Variants in VPS13A observed in about 807,000 individuals in gnomAD.
VPS13A encodes the protein intermembrane lipid transfer protein VPS13A.
VPS13A carries 264 observed loss-of-function variants against 390.9 expected under a neutral mutation model. The ratio of observed to expected loss-of-function variants is 0.68; its 90% CI spans 0.61 to 0.75. The LOEUF (loss-of-function observed/expected upper bound fraction) is 0.75. Ranked by LOEUF, VPS13A falls within the 30% of genes least tolerant of loss-of-function variation. The pLI is 0.00. For missense variants in VPS13A, 3,409 were observed against 3,733.9 expected, an observed-to-expected ratio of 0.91 and a Z score of 2.27; for synonymous variants, 1,231 against 1,227.1, an observed-to-expected ratio of 1.00 and a Z score of -0.07.
chr9:77,385,000 A>T, intron 68 of VPS13A: 1 of 1,063,614 alleles, frequency 9.4e-7, no homozygotes, highest in Non-Finnish European at 1.1e-6. Context: ...GTTTTATTTT[A>T]AATTGCCTTC....
rs1002191647 is a variant in VPS13A, at chr9:77,177,600, C to T, written c.-105C>T. The T allele has an allele frequency of 6.5e-6, 7 of 1,077,934 alleles. No individual in the cohort carries two copies. The African/African-American group carries it at 1.1e-4, about 17-fold the overall frequency. 66.8% of individuals were successfully genotyped at this position (1,077,934 alleles called of 1,614,324 possible). A position where few individuals can be genotyped will look rare whatever the true frequency, so the allele number is the denominator to read the frequency against. ...CCAGCGGGGGCGCCGCAGCTGAAGC[C>T]GCCCCGGAGCCGGTGAACCGAATTA... On this transcript the variant is annotated 5_prime_UTR_variant, in exon 1 of 72. Transcript: ENST00000360280.
At chr9:77,333,073 C>A (rs1830361196) in intron 46 of VPS13A, among the ~76,000 whole-genome samples, 1 of 152,082 alleles carries the variant, frequency 6.6e-6, no homozygotes, top group Non-Finnish European at 1.5e-5. Flanking sequence ...CAGTATCTGA[C>A]CTTGCTCTAG....
chr9:77,410,107 C>T (rs1834846962), intron 71 of VPS13A, among the ~76,000 whole-genome samples: 1 of 152,230 alleles, frequency 6.6e-6, no homozygotes, highest in South Asian at 2.1e-4. Flanking sequence ...TCAGCAGAAA[C>T]TCTACAAGCC....
At position 77,416,253 on chromosome 9, in the gene VPS13A, T is replaced by C; in HGVS notation, c.*247T>C. 2.4e-6 allele frequency: 1 copy of C among 416,396 alleles called. No homozygotes were observed. Among genetic ancestry groups the C allele is most frequent in the South Asian group, 2.6e-5 (1 of 37,834 alleles). 25.8% of individuals were successfully genotyped at this position (416,396 alleles called of 1,614,324 possible). ...GGTTTTCTAAATTGAATCATGCATC[T>C]ATTTATAATTCTAATTATTTTGTAA... On this transcript the variant is annotated 3_prime_UTR_variant, in exon 72 of 72. Transcript: ENST00000360280.
Position 77,337,382 on chromosome 9 carries a change from G to A in VPS13A, c.6223G>A (p.Glu2075Lys), listed in dbSNP as rs1830594244. 1 of 1,612,274 alleles carries A rather than the reference G, an allele frequency of 6.2e-7. No individual in the cohort carries two copies. The highest frequency in any genetic ancestry group is 2.2e-5 in the East Asian group (1 of 44,742). Residue 2075 changes from glutamate to lysine, a missense_variant, in exon 47 of 72, where the codon GAA becomes AAA. Physicochemically the swap from Glu to Lys is moderately conservative, Grantham distance 56. Coordinates refer to ENST00000360280, the MANE Select transcript of VPS13A (RefSeq NM_033305.3). Reference protein sequence around the residue: ...KKCRSKNPSKESFLINIVPEK... With the variant: ...KKCRSKNPSKKSFLINIVPEK... ...ATGTAGATCTAAAAACCCTTCTAAG[G>A]AATCATTTCTCATTAATATTGTTCC...
chr9:77,337,784 A>G (rs1830613610), intron 47 of VPS13A: 10 of 402,308 alleles, frequency 2.5e-5, no homozygotes, highest in Admixed American at 7.8e-5. Context: ...GATTTTCTTA[A>G]AAGATTGTAT....
At chr9:77,266,141 A>C (rs1321631538) in intron 23 of VPS13A, among the ~76,000 whole-genome samples, 2 of 152,200 alleles carry the variant, frequency 1.3e-5, no homozygotes. Flanking sequence ...ACTGGATTGC[A>C]CTGTGGTCTG....
At chr9:77,400,288 T>C (rs1834320989) in intron 68 of VPS13A, among the ~76,000 whole-genome samples, 1 of 149,860 alleles carries the variant, frequency 6.7e-6, no homozygotes, top group Non-Finnish European at 1.5e-5. Flanking sequence ...TTTCTACTGC[T>C]TTACTCATTT....
chr9:77,237,640 C>G (rs962480165), intron 17 of VPS13A, among the ~76,000 whole-genome samples: 1 of 152,148 alleles, frequency 6.6e-6, no homozygotes, highest in Non-Finnish European at 1.5e-5. Flanking sequence ...GCTGGGATTA[C>G]GGGTGTGAGC....
chr9:77,411,074 T>G (rs1363672045), intron 71 of VPS13A, among the ~76,000 whole-genome samples: 1 of 152,030 alleles, frequency 6.6e-6, no homozygotes, highest in Non-Finnish European at 1.5e-5. Context: ...AGAACAGAAA[T>G]TATAACAAAC....
At chr9:77,282,439 A>C (rs1827092962) in intron 29 of VPS13A, among the ~76,000 whole-genome samples, 165 bp downstream of exon 29, 1 of 152,142 alleles carries the variant, frequency 6.6e-6, no homozygotes, top group Admixed American at 6.5e-5. Flanking sequence ...ATTTTAGAAA[A>C]TAAAGGAAAC....
intron 1 of VPS13A, among the ~76,000 whole-genome samples, chr9:77,180,361 T>C (rs560717978): frequency 6.6e-6 from 1 of 152,260 alleles, no homozygotes; most frequent in Non-Finnish European, 1.5e-5. Context: ...AAGGATACAA[T>C]TTCTTCATCA....
chr9:77,252,564 G>A (rs1369482562), intron 22 of VPS13A, among the ~76,000 whole-genome samples: 1 of 152,036 alleles, frequency 6.6e-6, no homozygotes, highest in Non-Finnish European at 1.5e-5. Context: ...ATGTTGTTAT[G>A]CAACCATCAC....
At chr9:77,396,260 T>C (rs146716393) in intron 68 of VPS13A, among the ~76,000 whole-genome samples, 4 of 152,336 alleles carry the variant, frequency 2.6e-5, no homozygotes, top group African/African-American at 7.2e-5. Flanking sequence ...TCTTAAGATA[T>C]AGTAGTTTCT....
At chr9:77,210,519 C>T in intron 6 of VPS13A, 97 bp from the exon 7 acceptor site, 1 of 1,206,714 alleles carries the variant, frequency 8.3e-7, no homozygotes, top group Non-Finnish European at 1.2e-6. Flanking sequence ...GCTGGGATTA[C>T]AGATGGGAGC....
intron 68 of VPS13A, among the ~76,000 whole-genome samples, chr9:77,396,095 A>G (rs534802264): frequency 2.0e-5 from 3 of 151,086 alleles, no homozygotes; most frequent in Non-Finnish European, 4.4e-5. Context: ...CACCTACATT[A>G]CCCTTGATGC....
intron 71 of VPS13A, among the ~76,000 whole-genome samples, chr9:77,412,152 T>C (rs1187702062): frequency 6.6e-6 from 1 of 152,196 alleles, no homozygotes; most frequent in Admixed American, 6.5e-5. Context: ...CACAGCCGAA[T>C]TCTACCAGAG....
chr9:77,359,942 A>C (rs1832049486), intron 58 of VPS13A, among the ~76,000 whole-genome samples: 1 of 152,232 alleles, frequency 6.6e-6, no homozygotes, highest in African/African-American at 2.4e-5. Context: ...GGTTGTCTAT[A>C]ATCATATATT....
At chr9:77,206,187 A>C in intron 5 of VPS13A, 108 bp downstream of exon 5, 1 of 826,702 alleles carries the variant, frequency 1.2e-6, no homozygotes, top group South Asian at 1.6e-5. Context: ...TTATTTCAGA[A>C]ATATGATAGA....
Sources: allele counts gnomAD v4.1 joint callset (sites outside exome capture counted in the v4.1 genomes callset), GRCh38; gene constraint gnomAD v4.1.1; transcripts MANE v1.5; gene names NCBI Gene and HGNC (gene_info 2026-07-23, HGNC 2026-07-21).